CLCF1: variants seen among roughly 807,000 people sequenced by gnomAD.
The protein encoded by CLCF1 is cardiotrophin like cytokine factor 1.
A neutral mutation model predicts 21.2 loss-of-function variants in CLCF1; 10 were observed. That is an observed-to-expected ratio of 0.47 (90% confidence interval 0.29 to 0.80). The LOEUF is 0.80. Among genes scored for constraint, CLCF1 ranks in the 30% least tolerant of loss-of-function variants. The pLI is 0.09. For synonymous variants in CLCF1, 115 were observed against 120.5 expected (o/e 0.95, Z 0.30); for missense variants, 240 against 293.4 (o/e 0.82, Z 1.33).
chr11:67,366,673 G>T (rs1166793498), intron 2 of CLCF1, among the ~76,000 whole-genome samples: 1 of 152,142 alleles, frequency 6.6e-6, no homozygotes, highest in Non-Finnish European at 1.5e-5. Context: ...GGCCCAGGGG[G>T]AGGTTCACAC....
chr11:67,373,946 G>A (rs1454941566), upstream of CLCF1: 8 of 1,002,670 alleles, frequency 8.0e-6, no homozygotes, highest in Non-Finnish European at 9.6e-6. Context: ...GGAGCCGGGG[G>A]ACAGCGCCGG....
intron 1 of CLCF1, chr11:67,369,820 C>T: frequency 1.0e-6 from 1 of 985,446 alleles, no homozygotes; most frequent in Non-Finnish European, 1.2e-6. Flanking sequence ...AACTTACCCT[C>T]TCCCATTCTG....
intron 1 of CLCF1, chr11:67,368,701 G>C (rs1455886719): frequency 2.0e-6 from 2 of 985,172 alleles, no homozygotes; most frequent in Non-Finnish European, 2.4e-6. Context: ...CTTGGGATTT[G>C]GTTGATTTAG....
intron 2 of CLCF1, among the ~76,000 whole-genome samples, chr11:67,367,077 G>T (rs1384804790): frequency 6.6e-6 from 1 of 152,154 alleles, no homozygotes; most frequent in Non-Finnish European, 1.5e-5. Context: ...GGGGGCAGAG[G>T]CGAGCTGGAA....
chr11:67,364,836 C>T lies in CLCF1; in HGVS notation c.*300G>A, dbSNP rs973515185. 8.0e-5 allele frequency: 30 copies of T among 373,864 alleles called. No individual in the cohort carries two copies. The highest frequency in any genetic ancestry group is 8.4e-5 in the Admixed American group (2 of 23,748). The allele number at this position is 373,864 out of a possible 1,614,324, so 23.2% of individuals were successfully genotyped here. A position where few individuals can be genotyped will look rare whatever the true frequency, so the allele number is the denominator to read the frequency against. ...GGGTGGGCACTGGCCAAGTGGTAGGCAAGAAGCAGGAGGCCATGAGCGCCT... is the reference window on the plus strand; with the variant it reads ...GGGTGGGCACTGGCCAAGTGGTAGGTAAGAAGCAGGAGGCCATGAGCGCCT... On this transcript the variant is annotated 3_prime_UTR_variant, in exon 3 of 3. Transcript: ENST00000312438.
chr11:67,369,355 C>T, intron 1 of CLCF1: 5 of 985,178 alleles, frequency 5.1e-6, no homozygotes, highest in Non-Finnish European at 6.0e-6. Context: ...TGTTTTAGGA[C>T]AGAGAGTAGG....
chr11:67,365,064 T>G lies in CLCF1; in HGVS notation c.*72A>C. 2 of 1,606,282 alleles carry G rather than the reference T, an allele frequency of 1.2e-6. No homozygotes were observed. The highest frequency in any genetic ancestry group is 8.5e-7 in the Non-Finnish European group (1 of 1,179,332). ...TTCTGTCTCCTGGCTCAACAGGTGTTGGCATACAGGGCTGGCTCTCACAAA... is the reference window on the plus strand; with the variant it reads ...TTCTGTCTCCTGGCTCAACAGGTGTGGGCATACAGGGCTGGCTCTCACAAA... On this transcript the variant is annotated 3_prime_UTR_variant, in exon 3 of 3. Transcript: ENST00000312438. This position sits in a 1 kb window ranked among gnomAD's most constrained non-coding sequence, Gnocchi z 5.0.
rs1565105168 is a variant in CLCF1 at position 67,364,805 on chromosome 11, G to A, written c.*331C>T. On this transcript the variant is annotated 3_prime_UTR_variant, in exon 3 of 3. Coordinates refer to ENST00000312438, the MANE Select transcript of CLCF1 (RefSeq NM_013246.3). Reference sequence around the variant, plus strand: ...CCTGCCCTCCAGATGTGCCACCTGAGGGGCTGGGTGGGCACTGGCCAAGTG... The same window carrying A: ...CCTGCCCTCCAGATGTGCCACCTGAAGGGCTGGGTGGGCACTGGCCAAGTG... 2.2e-5 allele frequency: 7 copies of A among 317,676 alleles called. No individual in the cohort carries two copies. Among genetic ancestry groups the A allele is most frequent in the Non-Finnish European group, 3.0e-5 (5 of 167,644 alleles). The allele number at this position is 317,676 out of a possible 1,614,324, so 19.7% of individuals were successfully genotyped here. A position where few individuals can be genotyped will look rare whatever the true frequency, so the allele number is the denominator to read the frequency against.
chr11:67,367,515 G>A lies in CLCF1; in HGVS notation c.128C>T (p.Thr43Ile), dbSNP rs1565106667. Residue 43 changes from threonine (T) to isoleucine (I), a missense_variant, in exon 2 of 3, where the codon ACC becomes ATC. Coordinates refer to ENST00000312438, the MANE Select transcript of CLCF1 (RefSeq NM_013246.3). Reference sequence around the variant, plus strand: ...CTCCAGGTAGCGGGTGAGGTCATAGGTTTTCTGGATGGAGGGGCCAGGCCC... The same window carrying A: ...CTCCAGGTAGCGGGTGAGGTCATAGATTTTCTGGATGGAGGGGCCAGGCCC... ...DPGPGPSIQKTYDLTRYLEHQ... is the reference protein window; with the variant it reads ...DPGPGPSIQKIYDLTRYLEHQ... The A allele has an allele frequency of 1.2e-6, 2 of 1,614,244 alleles. No homozygotes were observed. The highest frequency in any genetic ancestry group is 1.7e-6 in the Non-Finnish European group (2 of 1,180,032).
In CLCF1 at chr11:67,365,581, C is replaced by A. The variant is rs145294376; in HGVS notation, c.233G>T (p.Arg78Leu). 12 of 1,613,470 alleles carry A rather than the reference C, an allele frequency of 7.4e-6. No individual in the cohort carries two copies. In the African/African-American group the frequency reaches 1.5e-4, roughly 20 times the overall value. ...PFNEPDFNPP[R>L]LGAETLPRAT... is the part of the protein sequence containing the mutation. ...CCTGGGCAGAGTCTCTGCCCCCAGG[C>A]GGGGAGGGTTGAAGTCTGGCTCGTT... Residue 78 changes from arginine to leucine, a missense_variant, in exon 3 of 3, where the codon CGC becomes CTC. Transcript: ENST00000312438. This position sits in a 1 kb window ranked among gnomAD's most constrained non-coding sequence, Gnocchi z 5.0.
chr11:67,366,669 G>C (rs1283779576), intron 2 of CLCF1, among the ~76,000 whole-genome samples: 2 of 152,152 alleles, frequency 1.3e-5, no homozygotes, highest in Non-Finnish European at 2.9e-5. Flanking sequence ...CAAGGGCCCA[G>C]GGGGAGGTTC....
chr11:67,373,442 C>T (rs1862280611), intron 1 of CLCF1, 82 bp downstream of exon 1: 1 of 762,998 alleles, frequency 1.3e-6, no homozygotes, highest in Non-Finnish European at 2.0e-6. Context: ...GCGGGGCTCC[C>T]GGGGGTCAGG....
At chr11:67,368,764 G>A in intron 1 of CLCF1, 5 of 985,344 alleles carry the variant, frequency 5.1e-6, no homozygotes, top group Non-Finnish European at 6.0e-6. Context: ...GGCAGGCAGA[G>A]GGTGAGTTGG....
At position 67,365,191 on chromosome 11, in the gene CLCF1, T is replaced by A. The variant is rs1467150122; in HGVS notation, c.623A>T (p.Lys208Met). ...GACTGCAGCTGCTGGAGGCTGCATC[T>A]TCTTCTTGAGCCGGTTGAAGTCCTT... ...SAKDFNRLKK[K>M]MQPPAAAVTL... The change falls in exon 3 of 3, where the codon AAG becomes ATG. Residue 208 changes from lysine (K) to methionine (M), a missense_variant. Transcript: ENST00000312438. The surrounding 1 kb of genome is among the most constrained non-coding windows in gnomAD (Gnocchi z 5.0). 1 of 1,613,912 alleles carries A rather than the reference T, an allele frequency of 6.2e-7. No homozygotes were observed.
chr11:67,365,450 G>A lies in CLCF1; in HGVS notation c.364C>T (p.Arg122Cys), dbSNP rs761887384. 3.7e-6 allele frequency: 6 copies of A among 1,613,770 alleles called. No homozygotes were observed. Among genetic ancestry groups the A allele is most frequent in the South Asian group, 1.1e-5 (1 of 91,084 alleles). Residue 122 changes from arginine to cysteine, a missense_variant, in exon 3 of 3, where the codon CGT (arginine) becomes TGT (cysteine). Arg to Cys is a radical substitution (Grantham distance 180). Coordinates refer to ENST00000312438, the MANE Select transcript of CLCF1 (RefSeq NM_013246.3). This position sits in a 1 kb window ranked among gnomAD's most constrained non-coding sequence, Gnocchi z 5.0. ...CGCAGCTCAGCAGTGGCAGCCTGAC[G>A]GTTGAGGCCACGCAAGTAACACAGA... ...HLLCYLRGLN[R>C]QAATAELRRS...
intron 1 of CLCF1, chr11:67,370,759 G>C (rs1192028914): frequency 1.0e-6 from 1 of 985,284 alleles, no homozygotes. Flanking sequence ...ACACCCCCAG[G>C]CTGACCTTTC....
At chr11:67,373,674 C>G, upstream of CLCF1, 1 of 1,163,352 alleles carries the variant, frequency 8.6e-7, no homozygotes, top group Non-Finnish European at 1.1e-6. Flanking sequence ...CGCTCGGTTT[C>G]GGATTTTTTT....
intron 1 of CLCF1, chr11:67,369,434 C>A (rs1368527235): frequency 2.4e-5 from 24 of 985,270 alleles, no homozygotes; most frequent in Non-Finnish European, 2.8e-5. Context: ...CTTGTGGCTT[C>A]CTCCTGGACG....
rs1237957200 is a variant in CLCF1, at chr11:67,372,656, A to ACCGGGCT, written c.16+861_16+867dup. ...CGGGGGCGGGGGCGGGGTCCGGGGC[A>ACCGGGCT]CCGGGCTCCGGGCTCTGCCCGGCGC... On this transcript the variant is annotated intron_variant, in intron 1 of 2. Coordinates refer to ENST00000312438, the MANE Select transcript of CLCF1 (RefSeq NM_013246.3). The surrounding 1 kb of genome is among the most constrained non-coding windows in gnomAD (Gnocchi z 5.9). Among the ~76,000 whole-genome samples, 31 of 144,588 alleles carry ACCGGGCT rather than the reference A, an allele frequency of 2.1e-4. No homozygotes were observed. Among genetic ancestry groups the ACCGGGCT allele is most frequent in the Admixed American group, 6.8e-4 (10 of 14,740 alleles). 94.9% of individuals were successfully genotyped at this position (144,588 alleles called of 152,430 possible).
Sources: gnomAD v4.1 joint callset for allele counts (sites outside exome capture counted in the v4.1 genomes callset) on GRCh38, gnomAD v4.1.1 for gene constraint, Gnocchi (gnomAD v3.1) non-coding constraint, MANE v1.5 for transcripts, NCBI Gene and HGNC (gene_info 2026-07-23, HGNC 2026-07-21) for gene names.